ADAMTS17: variants seen among roughly 807,000 people sequenced by gnomAD.
The protein encoded by ADAMTS17 is A disintegrin and metalloproteinase with thrombospondin motifs 17.
A neutral mutation model predicts 141.5 loss-of-function variants in ADAMTS17; 113 were observed. That is an observed-to-expected ratio of 0.80 (90% CI 0.69 to 0.93). The LOEUF (loss-of-function observed/expected upper bound fraction) is 0.93, where lower values mean the gene tolerates loss of function less well. ADAMTS17 is among the 40% of genes least tolerant of loss of function. The pLI, the probability that ADAMTS17 is intolerant of heterozygous loss-of-function variation, is 0.00. For missense variants in ADAMTS17, 1,659 were observed against 1,517.9 expected, an observed-to-expected ratio of 1.09 and a Z score of -1.54; for synonymous variants, 768 against 630.6, an observed-to-expected ratio of 1.22 and a Z score of -3.27.
chr15:100,341,767 A>G (rs2046374362), intron 1 of ADAMTS17, 54 bp downstream of exon 1: 1 of 1,531,758 alleles, frequency 6.5e-7, no homozygotes, highest in Non-Finnish European at 8.8e-7. Flanking sequence ...GAGAACGCAG[A>G]GGGAAGGTAG....
intron 15 of ADAMTS17, among the ~76,000 whole-genome samples, chr15:100,086,406 A>G (rs1424499515): frequency 2.0e-5 from 3 of 151,648 alleles, no homozygotes; most frequent in African/African-American, 7.3e-5. Context: ...GGGAGACTTT[A>G]ACACCCCACT....
intron 8 of ADAMTS17, among the ~76,000 whole-genome samples, chr15:100,188,404 A>C (rs1374046988): frequency 6.6e-6 from 1 of 151,956 alleles, no homozygotes; most frequent in Non-Finnish European, 1.5e-5. Flanking sequence ...AAAAAAAAAA[A>C]AACAAGAACA....
At chr15:100,089,457 T>C (rs1315208108) in intron 15 of ADAMTS17, among the ~76,000 whole-genome samples, 1 of 150,326 alleles carries the variant, frequency 6.7e-6, no homozygotes, top group Non-Finnish European at 1.5e-5. Context: ...AGAAATAACA[T>C]TTGACCCAGC....
intron 15 of ADAMTS17, among the ~76,000 whole-genome samples, chr15:100,084,996 T>C (rs2141840633): frequency 6.6e-6 from 1 of 152,264 alleles, no homozygotes; most frequent in South Asian, 2.1e-4. Context: ...GGATGGAGAA[T>C]GACTTTGATG....
chr15:100,259,885 C>T (rs531210930), intron 6 of ADAMTS17, among the ~76,000 whole-genome samples: 2 of 152,280 alleles, frequency 1.3e-5, no homozygotes, highest in South Asian at 4.1e-4. Flanking sequence ...ACTCTTGTCA[C>T]CCAGGCTGGA....
chr15:100,075,052 G>T (rs570868950), intron 15 of ADAMTS17, among the ~76,000 whole-genome samples: 1 of 151,938 alleles, frequency 6.6e-6, no homozygotes, highest in Non-Finnish European at 1.5e-5. Context: ...TTTATTTAAT[G>T]TTCTTCCATA....
At chr15:100,081,985 C>G (rs552198522) in intron 15 of ADAMTS17, among the ~76,000 whole-genome samples, 1 of 152,198 alleles carries the variant, frequency 6.6e-6, no homozygotes, top group Non-Finnish European at 1.5e-5. Flanking sequence ...TATTTGGACT[C>G]AGACTCTTTA....
chr15:100,253,251 G>GCCTACACT (rs144173106), intron 7 of ADAMTS17, among the ~76,000 whole-genome samples: 3,936 of 149,814 alleles, frequency 0.026, 66 homozygotes, highest in Middle Eastern at 0.071. Context: ...AACACTGTGT[G>GCCTACACT]CAAAGAATGG....
chr15:100,154,766 C>T (rs566430027), intron 9 of ADAMTS17, among the ~76,000 whole-genome samples: 1 of 152,280 alleles, frequency 6.6e-6, no homozygotes, highest in South Asian at 2.1e-4. Flanking sequence ...TGAGCAAACC[C>T]ACCCCTCATC....
At chr15:100,098,242 C>A (rs1453954769) in intron 14 of ADAMTS17, among the ~76,000 whole-genome samples, 1 of 151,700 alleles carries the variant, frequency 6.6e-6, no homozygotes, top group Non-Finnish European at 1.5e-5. Flanking sequence ...CAGTAGTGAC[C>A]TGGAGGGAAG....
intron 7 of ADAMTS17, among the ~76,000 whole-genome samples, chr15:100,219,033 T>C (rs574994996): frequency 6.6e-6 from 1 of 152,318 alleles, no homozygotes; most frequent in South Asian, 2.1e-4. Flanking sequence ...GATGTTCTGA[T>C]ACAGGTTAAA....
chr15:100,152,552 C>T (rs986244251), intron 10 of ADAMTS17, 60 bp downstream of exon 10: 34 of 1,604,302 alleles, frequency 2.1e-5, no homozygotes, highest in Non-Finnish European at 2.9e-5. Flanking sequence ...GAAGCCAGAC[C>T]TGCTGTGGGA....
At chr15:100,194,159 C>T (rs1418040742) in intron 8 of ADAMTS17, among the ~76,000 whole-genome samples, 1 of 152,232 alleles carries the variant, frequency 6.6e-6, no homozygotes, top group Non-Finnish European at 1.5e-5. Context: ...CTTCCACTGT[C>T]ACCCCACCTA....
At chr15:100,110,071 A>G (rs2036657879) in intron 13 of ADAMTS17, among the ~76,000 whole-genome samples, 1 of 151,202 alleles carries the variant, frequency 6.6e-6, no homozygotes, top group African/African-American at 2.5e-5. Context: ...AGATTGAAGT[A>G]ATGCTGGGTC....
intron 7 of ADAMTS17, among the ~76,000 whole-genome samples, chr15:100,218,650 T>C (rs558829066): frequency 2.6e-5 from 4 of 152,280 alleles, no homozygotes; most frequent in African/African-American, 7.2e-5. Context: ...ACACTCCCCA[T>C]AGGAAAAGCG....
At chr15:100,152,175 C>G (rs2039197578) in intron 10 of ADAMTS17, among the ~76,000 whole-genome samples, 1 of 152,182 alleles carries the variant, frequency 6.6e-6, no homozygotes, top group African/African-American at 2.4e-5. Context: ...ATTTGATACG[C>G]TCAAATGTTT....
At chr15:100,290,780 T>C (rs2044601609) in intron 3 of ADAMTS17, among the ~76,000 whole-genome samples, 1 of 152,140 alleles carries the variant, frequency 6.6e-6, no homozygotes, top group Non-Finnish European at 1.5e-5. Flanking sequence ...CAATAAATGG[T>C]GCTGAAATAA....
At chr15:100,100,281 T>G (rs2036016410) in intron 14 of ADAMTS17, among the ~76,000 whole-genome samples, 1 of 152,218 alleles carries the variant, frequency 6.6e-6, no homozygotes, top group Admixed American at 6.5e-5. Context: ...TTCGACTCCG[T>G]GAAAGTGGGT....
At chr15:100,283,528 G>A (rs1388766646) in intron 3 of ADAMTS17, among the ~76,000 whole-genome samples, 4 of 152,244 alleles carry the variant, frequency 2.6e-5, no homozygotes. Flanking sequence ...TCAGGTATGA[G>A]CCAAATGGCA....
Sources: gnomAD v4.1 joint callset for allele counts (sites outside exome capture counted in the v4.1 genomes callset) on GRCh38, gnomAD v4.1.1 for gene constraint, MANE v1.5 for transcripts, NCBI Gene and HGNC (gene_info 2026-07-23, HGNC 2026-07-21) for gene names.